The following ABL2 variants were observed in gnomAD, a reference collection of about 807,000 sequenced individuals.
ABL2 encodes the protein tyrosine-protein kinase ABL2.
In ABL2, 49 loss-of-function variants were observed where a neutral mutation model predicts 107.7. That is an observed-to-expected ratio of 0.45 (90% CI 0.36 to 0.58). The LOEUF (loss-of-function observed/expected upper bound fraction) is 0.58, where lower values mean the gene tolerates loss of function less well. ABL2 is among the 20% of genes least tolerant of loss of function. ABL2 has a pLI of 0.00. For synonymous variants in ABL2, 549 were observed against 548.6 expected (o/e 1.00, Z -0.01); for missense variants, 1,245 against 1,457.0 (o/e 0.85, Z 2.37).
intron 1 of ABL2, among the ~76,000 whole-genome samples, chr1:179,186,288 A>C (rs1360579426): frequency 1.3e-5 from 2 of 152,084 alleles, no homozygotes; most frequent in Non-Finnish European, 2.9e-5. Context: ...ACAACTACTT[A>C]ATGAGTAATG....
intron 1 of ABL2, among the ~76,000 whole-genome samples, chr1:179,186,244 TA>T (rs1016740086): frequency 2.0e-5 from 3 of 149,784 alleles, no homozygotes; most frequent in African/African-American, 4.9e-5. Flanking sequence ...GACGCTGTCT[TA>T]AAAAAAAAAT....
intron 1 of ABL2, among the ~76,000 whole-genome samples, chr1:179,168,425 C>G (rs955046430): frequency 9.3e-5 from 14 of 151,100 alleles, no homozygotes; most frequent in African/African-American, 3.4e-4. Flanking sequence ...TTTTTTGTCC[C>G]TCAAATATTC....
At chr1:179,159,944 T>C (rs1361255043) in intron 1 of ABL2, among the ~76,000 whole-genome samples, 1 of 151,942 alleles carries the variant, frequency 6.6e-6, no homozygotes, top group Non-Finnish European at 1.5e-5. Flanking sequence ...TGAAACCCTG[T>C]CTCTATTAAA....
chr1:179,112,781 ATCTAAC>A (rs376933838), intron 9 of ABL2, among the ~76,000 whole-genome samples: 7 of 148,284 alleles, frequency 4.7e-5, no homozygotes, highest in African/African-American at 1.5e-4. Flanking sequence ...TTGAGACGGA[ATCTAAC>A]TCTGTCACCC....
chr1:179,171,520 G>T (rs972563768), intron 1 of ABL2, among the ~76,000 whole-genome samples: 1 of 152,086 alleles, frequency 6.6e-6, no homozygotes, highest in African/African-American at 2.4e-5. Context: ...AAAGACACAG[G>T]GTCTCACTGT....
chr1:179,228,050 C>CAAA (rs34070201), intron 1 of ABL2, among the ~76,000 whole-genome samples: 44 of 63,348 alleles, frequency 6.9e-4, no homozygotes, highest in African/African-American at 1.9e-3. Flanking sequence ...ACTCCGTCTC[C>CAAA]AAAAAAAAAA....
chr1:179,162,334 T>A (rs533302295), intron 1 of ABL2, among the ~76,000 whole-genome samples: 78 of 152,262 alleles, frequency 5.1e-4, no homozygotes, highest in African/African-American at 1.9e-3. Context: ...CCTGTAATCC[T>A]AGCACTTCGG....
chr1:179,128,834 C>A (rs1655996757), intron 3 of ABL2, among the ~76,000 whole-genome samples: 1 of 152,154 alleles, frequency 6.6e-6, no homozygotes, highest in African/African-American at 2.4e-5. Context: ...CAGGTGCATG[C>A]CACTGCCCCT....
At chr1:179,114,037 T>C (rs1165942607) in intron 9 of ABL2, among the ~76,000 whole-genome samples, 1 of 152,008 alleles carries the variant, frequency 6.6e-6, no homozygotes, top group Non-Finnish European at 1.5e-5. Flanking sequence ...GGCGCATCAC[T>C]TGAGGTTAGG....
At chr1:179,213,605 C>A (rs1662404734) in intron 1 of ABL2, among the ~76,000 whole-genome samples, 1 of 152,118 alleles carries the variant, frequency 6.6e-6, no homozygotes, top group East Asian at 1.9e-4. Flanking sequence ...CTGGCCAATA[C>A]TTCTCAGTTA....
intron 9 of ABL2, 58 bp downstream of exon 9, chr1:179,114,820 T>A: frequency 1.3e-6 from 2 of 1,490,952 alleles, no homozygotes; most frequent in African/African-American, 1.4e-5. Context: ...CTAATTTTGT[T>A]AACTATTCTG....
chr1:179,109,592 TCA>T (rs1653839670), intron 11 of ABL2, 151 bp from the exon 12 acceptor site: 2 of 1,295,992 alleles, frequency 1.5e-6, no homozygotes, highest in Admixed American at 2.9e-5. Context: ...CATTATCATT[TCA>T]CAGTGACTGG....
At chr1:179,148,039 CTTTTTTTTT>C (rs1393464807) in intron 1 of ABL2, among the ~76,000 whole-genome samples, 1 of 131,048 alleles carries the variant, frequency 7.6e-6, no homozygotes, top group South Asian at 2.4e-4. Context: ...CTTTTCTTTT[CTTTTTTTTT>C]TTTTTTTTGA....
chr1:179,208,246 C>T (rs191715001), intron 1 of ABL2, among the ~76,000 whole-genome samples: 38 of 152,092 alleles, frequency 2.5e-4, no homozygotes, highest in Non-Finnish European at 4.3e-4. Flanking sequence ...ACGAATAATC[C>T]TGTCACTCAG....
chr1:179,185,775 A>C (rs1449840737), intron 1 of ABL2, among the ~76,000 whole-genome samples: 2 of 152,232 alleles, frequency 1.3e-5, no homozygotes, highest in Non-Finnish European at 2.9e-5. Flanking sequence ...ATGAGAATTT[A>C]TTAATAAGAA....
At chr1:179,224,724 T>C (rs1448681716) in intron 1 of ABL2, among the ~76,000 whole-genome samples, 1 of 151,776 alleles carries the variant, frequency 6.6e-6, no homozygotes, top group Non-Finnish European at 1.5e-5. Context: ...AAAGGTTTAA[T>C]AGCAGAGCTT....
chr1:179,229,173 A>ACCCCCCCCCC, intron 1 of ABL2, 68 bp downstream of exon 1: 1 of 223,206 alleles, frequency 4.5e-6, no homozygotes, highest in Non-Finnish European at 7.2e-6. Flanking sequence ...CCCGTCCGCC[A>ACCCCCCCCCC]CCCACCCCGC....
In ABL2 at chr1:179,112,049, A is replaced by T. The variant is rs528122874; in HGVS notation, c.1651+260T>A. Among the ~76,000 whole-genome samples the T allele has an allele frequency of 5.3e-5, 8 of 152,288 alleles. No homozygotes were observed. In the East Asian group the frequency reaches 1.5e-3, roughly 29 times the overall value. ...GATAGAGTGAGACTCCATCTCAAAA[A>T]AAAAAAAGTATATATATGAATATCA... On this transcript the variant is annotated intron_variant, in intron 10 of 11. Coordinates refer to ENST00000502732, the MANE Select transcript of ABL2 (RefSeq NM_007314.4).
intron 1 of ABL2, among the ~76,000 whole-genome samples, chr1:179,191,080 C>T (rs111756781): frequency 3.8e-4 from 58 of 152,312 alleles, no homozygotes; most frequent in African/African-American, 1.3e-3. Context: ...CTCTTGAAAA[C>T]AGCGGTCCTC....
Sources: gnomAD v4.1 joint callset for allele counts (sites outside exome capture counted in the v4.1 genomes callset) on GRCh38, gnomAD v4.1.1 for gene constraint, MANE v1.5 for transcripts, NCBI Gene and HGNC (gene_info 2026-07-23, HGNC 2026-07-21) for gene names.